The following WDR86 variants were observed in gnomAD, a reference collection of about 807,000 sequenced individuals.
WDR86 encodes the protein WD repeat domain 86.
In WDR86, 30 loss-of-function variants were observed where a neutral mutation model predicts 36.5. That is an observed-to-expected ratio of 0.82 (90% CI 0.61 to 1.11). The LOEUF is 1.11. Ranked by LOEUF, WDR86 falls within the 50% of genes most tolerant of loss-of-function variation. The probability of loss-of-function intolerance (pLI) is 0.00; values close to 1 mark genes in which losing one functional copy is unlikely to be tolerated. For synonymous variants in WDR86, 255 were observed against 252.9 expected, an observed-to-expected ratio of 1.01 and a Z score of -0.08; for missense variants, 545 against 561.2, an observed-to-expected ratio of 0.97 and a Z score of 0.29.
Position 151,385,238 on chromosome 7 carries a change from A to T in WDR86, c.727-15T>A. ...CGGTTCACCAGCTGCGAGGAGGAGC[A>T]GGGAAGGTCGGCAGCTGGGGCAGCT... On this transcript the variant is annotated splice_polypyrimidine_tract_variant and intron_variant, in intron 3 of 5. Coordinates refer to ENST00000334493, the MANE Select transcript of WDR86 (RefSeq NM_198285.3). 6.2e-7 allele frequency: 1 copy of T among 1,609,756 alleles called. No individual in the cohort carries two copies. The highest frequency in any genetic ancestry group is 8.5e-7 in the Non-Finnish European group (1 of 1,179,856).
the WDR86 span, among the ~76,000 whole-genome samples, chr7:151,370,406 G>C: frequency 6.6e-6 from 1 of 152,116 alleles, no homozygotes; most frequent in African/African-American, 2.4e-5. Flanking sequence ...TGAGTTCTGT[G>C]TGTTTGAGTT....
At chr7:151,382,198 C>A (rs1472701098) in intron 4 of WDR86, among the ~76,000 whole-genome samples, 1 of 152,224 alleles carries the variant, frequency 6.6e-6, no homozygotes, top group Non-Finnish European at 1.5e-5. Flanking sequence ...GCTGGCCCTG[C>A]CCCTGCCCTG....
downstream of WDR86, among the ~76,000 whole-genome samples, chr7:151,380,637 G>A (rs1398315918): frequency 1.3e-5 from 2 of 152,028 alleles, no homozygotes; most frequent in African/African-American, 2.4e-5. Flanking sequence ...AGGGCCCCTC[G>A]GCAGACTGAG....
In WDR86 at chr7:151,405,422, C is replaced by T. The variant is rs1294482747; in HGVS notation, c.163+4005G>A. Among the ~76,000 whole-genome samples the T allele has an allele frequency of 3.9e-5, 6 of 152,202 alleles. No homozygotes were observed. Among genetic ancestry groups the T allele is most frequent in the East Asian group, 1.9e-4 (1 of 5,178 alleles). On this transcript the variant is annotated intron_variant, in intron 1 of 5. Coordinates refer to ENST00000334493, the MANE Select transcript of WDR86 (RefSeq NM_198285.3). This position sits in a 1 kb window ranked among gnomAD's most constrained non-coding sequence, Gnocchi z 4.7. Reference sequence around the variant, plus strand: ...GTGACAGCCTTGCTGTTCCGAGCCACGGCCACTGTGGTTCCCTTATGCTCC... The same window carrying T: ...GTGACAGCCTTGCTGTTCCGAGCCATGGCCACTGTGGTTCCCTTATGCTCC...
chr7:151,395,918 G>A lies in WDR86; in HGVS notation c.584C>T (p.Ala195Val). The change falls in exon 3 of 6, where the codon GCA (alanine) becomes GTA (valine). Residue 195 changes from alanine (A) to valine (V), a missense_variant. Transcript: ENST00000334493. ...CHQTLRGHTG[A>V]VLCLVLDTPG... Reference sequence around the variant, plus strand: ...CGTGTCTAGCACTAGGCACAGCACTGCACCCGTGTGGCCCCGCAGCGTCTG... The same window carrying A: ...CGTGTCTAGCACTAGGCACAGCACTACACCCGTGTGGCCCCGCAGCGTCTG... The A allele has an allele frequency of 6.3e-7, 1 of 1,599,840 alleles. No homozygotes were observed. The highest frequency in any genetic ancestry group is 1.1e-5 in the South Asian group (1 of 89,398).
At position 151,390,893 on chromosome 7, in the gene WDR86, C is replaced by T. The variant is rs1029602434; in HGVS notation, c.726+4883G>A. ...GGGTGCCCGGGGCATGGAAGAGCAG[C>T]GGGGAGTCAGTGTTTAATGGGGACA... On this transcript the variant is annotated intron_variant, in intron 3 of 5. Transcript: ENST00000334493. This position sits in a 1 kb window ranked among gnomAD's most constrained non-coding sequence, Gnocchi z 4.5. 5.5e-4 allele frequency among the ~76,000 whole-genome samples: 84 copies of T among 152,168 alleles called. 1 individual carries two copies. Among genetic ancestry groups the T allele is most frequent in the Non-Finnish European group, 2.6e-4 (18 of 68,020 alleles).
At chr7:151,399,329 A>G (rs12703134) in intron 2 of WDR86, among the ~76,000 whole-genome samples, 105,635 of 151,984 alleles carry the variant, frequency 0.7, 36,817 homozygotes, top group East Asian at 0.81. Context: ...AGCTCAACCA[A>G]CAGCATTCCT....
In WDR86 at chr7:151,409,660, C is replaced by A. The variant is rs1235305961; in HGVS notation, c.-71G>T. On this transcript the variant is annotated 5_prime_UTR_variant, in exon 1 of 6. Coordinates refer to ENST00000334493, the MANE Select transcript of WDR86 (RefSeq NM_198285.3). The surrounding 1 kb of genome is among the most constrained non-coding windows in gnomAD (Gnocchi z 5.2). ...GAGGGGCGCCCCGGGGTCCGCGCGG[C>A]GGCTCCGTACGACTGCGGCCCGCGG... The A allele has an allele frequency of 7.6e-7, 1 of 1,311,664 alleles. No homozygotes were observed. The highest frequency in any genetic ancestry group is 9.7e-7 in the Non-Finnish European group (1 of 1,034,090). The allele number at this position is 1,311,664 out of a possible 1,614,324, so 81.3% of individuals were successfully genotyped here.
chr7:151,381,686 G>T lies in WDR86; in HGVS notation c.1027C>A (p.Arg343Ser). ...HDGALRLWDV[R>S]GLRGAPRPPP... is the part of the protein sequence containing the mutation. ...GGCCGCGGGGCACCTCGGAGCCCGC[G>T]CACGTCCCAGAGGCGCAGGGCGCCG... Residue 343 changes from arginine (R) to serine (S), a missense_variant, in exon 6 of 6, where the codon CGC becomes AGC. Transcript: ENST00000334493. The surrounding 1 kb of genome is among the most constrained non-coding windows in gnomAD (Gnocchi z 4.8). 1 of 1,435,246 alleles carries T rather than the reference G, an allele frequency of 7.0e-7. No individual in the cohort carries two copies. Among genetic ancestry groups the T allele is most frequent in the South Asian group, 1.5e-5 (1 of 67,920 alleles). 88.9% of individuals were successfully genotyped at this position (1,435,246 alleles called of 1,614,324 possible). A position where few individuals can be genotyped will look rare whatever the true frequency, so the allele number is the denominator to read the frequency against.
At chr7:151,402,070 A>AAAATATATATATATAT in intron 1 of WDR86, among the ~76,000 whole-genome samples, 16 of 50,526 alleles carry the variant, frequency 3.2e-4, no homozygotes, top group Non-Finnish European at 5.0e-4. Context: ...AAAAAAAAAA[A>AAAATATATATATATAT]ATATATATAT....
intron 4 of WDR86, among the ~76,000 whole-genome samples, chr7:151,384,091 AT>A (rs900274799): frequency 2.8e-4 from 42 of 152,330 alleles, no homozygotes; most frequent in African/African-American, 9.1e-4. Flanking sequence ...ATTTTCAGAT[AT>A]CTACATTCTG....
At chr7:151,383,627 T>C (rs971294122) in intron 4 of WDR86, among the ~76,000 whole-genome samples, 4 of 152,212 alleles carry the variant, frequency 2.6e-5, no homozygotes, top group Non-Finnish European at 2.9e-5. Flanking sequence ...TGTTCCAGCC[T>C]TTTTGTTAAA....
At chr7:151,408,706 T>C (rs998499085) in intron 1 of WDR86, 1 of 348,440 alleles carries the variant, frequency 2.9e-6, no homozygotes, top group African/African-American at 2.1e-5. Context: ...GGGCCAGAGC[T>C]GAAAGGGACC....
intron 3 of WDR86, among the ~76,000 whole-genome samples, chr7:151,389,562 G>C (rs1297619213): frequency 6.6e-6 from 1 of 152,190 alleles, no homozygotes; most frequent in African/African-American, 2.4e-5. Flanking sequence ...CGATTTCAGA[G>C]GCGACACAAT....
At chr7:151,370,289 A>C in the WDR86 span, among the ~76,000 whole-genome samples, 1 of 151,944 alleles carries the variant, frequency 6.6e-6, no homozygotes, top group Non-Finnish European at 1.5e-5. Context: ...GGGTTTTACC[A>C]ATTTGGCCAG....
chr7:151,398,111 T>G (rs1563060053), intron 2 of WDR86, among the ~76,000 whole-genome samples: 1 of 152,226 alleles, frequency 6.6e-6, no homozygotes, highest in Non-Finnish European at 1.5e-5. Flanking sequence ...TGTGAGCACA[T>G]GTGAACATGT....
downstream of WDR86, chr7:151,374,445 C>T: frequency 1.5e-6 from 1 of 678,220 alleles, no homozygotes; most frequent in Non-Finnish European, 2.5e-6. Context: ...CAGTGCTTGG[C>T]CCAGGCCTGG....
At chr7:151,391,959 T>C (rs952473596) in intron 3 of WDR86, among the ~76,000 whole-genome samples, 3 of 152,138 alleles carry the variant, frequency 2.0e-5, no homozygotes, top group Non-Finnish European at 2.9e-5. Context: ...TGTCACTTAG[T>C]AGTTACCTTA....
chr7:151,389,824 G>A (rs1431031523), intron 3 of WDR86, among the ~76,000 whole-genome samples: 1 of 152,240 alleles, frequency 6.6e-6, no homozygotes, highest in African/African-American at 2.4e-5. Flanking sequence ...GACCCCGACT[G>A]CATGCCGAGA....
Sources: allele counts gnomAD v4.1 joint callset (sites outside exome capture counted in the v4.1 genomes callset), GRCh38; gene constraint gnomAD v4.1.1; non-coding constraint Gnocchi (gnomAD v3.1); transcripts MANE v1.5; gene names NCBI Gene and HGNC (gene_info 2026-07-23, HGNC 2026-07-21).